The following LHX9 variants were observed in gnomAD, a reference collection of about 807,000 sequenced individuals.
LHX9 encodes LIM homeobox 9.
A neutral mutation model predicts 36.5 loss-of-function variants in LHX9; 9 were observed. That is an observed-to-expected ratio of 0.25 (90% CI 0.15 to 0.43). The LOEUF is 0.43. Among genes scored for constraint, LHX9 ranks in the 20% least tolerant of loss-of-function variants. The pLI is 1.00. For missense variants in LHX9, 464 were observed against 526.4 expected, an observed-to-expected ratio of 0.88 and a Z score of 1.16; for synonymous variants, 211 against 212.1, an observed-to-expected ratio of 0.99 and a Z score of 0.04.
intron 3 of LHX9, among the ~76,000 whole-genome samples, chr1:197,924,791 G>A (rs1193581695): frequency 4.6e-5 from 7 of 152,276 alleles, no homozygotes; most frequent in African/African-American, 1.7e-4. Context: ...GGTGCCCATC[G>A]CATAAGTGAC....
upstream of LHX9, among the ~76,000 whole-genome samples, chr1:197,914,120 C>A (rs1238619191): frequency 6.6e-6 from 1 of 152,178 alleles, no homozygotes; most frequent in African/African-American, 2.4e-5. Context: ...TTCCTAAAAG[C>A]GGCAACAGTA....
At position 197,921,384 on chromosome 1, in the gene LHX9, T is replaced by C. The variant is rs1404232717; in HGVS notation, c.458T>C (p.Val153Ala). The change falls in exon 3 of 5, where the codon GTC (valine) becomes GCC (alanine). Residue 153 changes from valine to alanine, a missense_variant. This residue lies in a region of LHX9 where 93 missense variants were observed against 150.3 expected (regional missense o/e 0.62). Transcript: ENST00000367387. This position sits in a 1 kb window ranked among gnomAD's most constrained non-coding sequence, Gnocchi z 4.6. ...ATGGTCATGCGCGCCCGAGACTCTG[T>C]CTACCACCTGAGCTGCTTCACCTGC... Reference protein sequence around the residue: ...SEMVMRARDSVYHLSCFTCST... With the variant: ...SEMVMRARDSAYHLSCFTCST... 6.2e-7 allele frequency: 1 copy of C among 1,614,002 alleles called. No homozygotes were observed. Among genetic ancestry groups the C allele is most frequent in the Non-Finnish European group, 8.5e-7 (1 of 1,180,036 alleles).
rs1413076564 is a variant in LHX9, at chr1:197,918,495, C to G, written c.174+498C>G. On this transcript the variant is annotated intron_variant, in intron 1 of 4. Coordinates refer to ENST00000367387, the MANE Select transcript of LHX9 (RefSeq NM_020204.3). Reference sequence around the variant, plus strand: ...ACTGGGTCATTTCCAGTTCTCTAGACGCTCGGGGCTTGGGACCCCTAACCG... The same window carrying G: ...ACTGGGTCATTTCCAGTTCTCTAGAGGCTCGGGGCTTGGGACCCCTAACCG... 3 of 661,240 alleles carry G rather than the reference C, an allele frequency of 4.5e-6. No individual in the cohort carries two copies. In the African/African-American group the frequency reaches 5.4e-5, roughly 12 times the overall value. 41.0% of individuals were successfully genotyped at this position (661,240 alleles called of 1,614,324 possible).
At chr1:197,928,191 C>T (rs914145212) in intron 4 of LHX9, among the ~76,000 whole-genome samples, 1 of 152,192 alleles carries the variant, frequency 6.6e-6, no homozygotes, top group Non-Finnish European at 1.5e-5. Flanking sequence ...TTTTGGCAGC[C>T]TCACTCACCT....
Position 197,927,584 on chromosome 1 carries a change from G to A in LHX9, c.734-7G>A. ...GAGCAGTTGTTTGTTCACTGTTACTGCAACAGGTTGTAATGAGAATGAGGC... is the reference window on the plus strand; with the variant it reads ...GAGCAGTTGTTTGTTCACTGTTACTACAACAGGTTGTAATGAGAATGAGGC... On this transcript the variant is annotated splice_polypyrimidine_tract_variant and splice_region_variant and intron_variant, in intron 3 of 4. Transcript: ENST00000367387. 1.9e-6 allele frequency: 3 copies of A among 1,613,678 alleles called. No individual in the cohort carries two copies. The highest frequency in any genetic ancestry group is 2.5e-6 in the Non-Finnish European group (3 of 1,179,616).
At chr1:197,914,342 C>T (rs1659691217), upstream of LHX9, among the ~76,000 whole-genome samples, 1 of 152,116 alleles carries the variant, frequency 6.6e-6, no homozygotes, top group African/African-American at 2.4e-5. Context: ...AAAATGAACA[C>T]TGTAATTTTT....
rs1660406285 is a variant in LHX9, at chr1:197,934,605, T to C, written c.*5346T>C. On this transcript the variant is annotated 3_prime_UTR_variant, in exon 5 of 5. Transcript: ENST00000367387. Reference sequence around the variant, plus strand: ...TAAGCACAGTAGGACTTAGTCCAAATTGACGAAATATCATTGAATTTTCTT... The same window carrying C: ...TAAGCACAGTAGGACTTAGTCCAAACTGACGAAATATCATTGAATTTTCTT... 1 of 152,156 alleles carries C rather than the reference T, an allele frequency of 6.6e-6. No individual in the cohort carries two copies. Among genetic ancestry groups the C allele is most frequent in the South Asian group, 2.1e-4 (1 of 4,836 alleles). The allele number at this position is 152,156 out of a possible 1,614,324, so 9.4% of individuals were successfully genotyped here.
Position 197,919,962 on chromosome 1 carries a change from T to G in LHX9, c.175-10T>G. 6.2e-7 allele frequency: 1 copy of G among 1,613,672 alleles called. No homozygotes were observed. Among genetic ancestry groups the G allele is most frequent in the Non-Finnish European group, 8.5e-7 (1 of 1,179,898 alleles). ...GCCCTCCTCAGCCTTGCGGTGTGCT[T>G]TCTTTGCAGGGCATGCCCCCGCTCA... On this transcript the variant is annotated splice_polypyrimidine_tract_variant and intron_variant, in intron 1 of 4. Coordinates refer to ENST00000367387, the MANE Select transcript of LHX9 (RefSeq NM_020204.3).
upstream of LHX9, chr1:197,916,894 A>G (rs1014646256): frequency 1.6e-6 from 1 of 640,966 alleles, no homozygotes; most frequent in African/African-American, 1.8e-5. Flanking sequence ...TTCGGGTGAC[A>G]GTCCTGCAGG....
At position 197,935,009 on chromosome 1, in the gene LHX9, A is replaced by C. The variant is rs1660416293; in HGVS notation, c.*5750A>C. 1 of 152,046 alleles carries C rather than the reference A, an allele frequency of 6.6e-6. No individual in the cohort carries two copies. The highest frequency in any genetic ancestry group is 2.4e-5 in the African/African-American group (1 of 41,404). The allele number at this position is 152,046 out of a possible 1,614,324, so 9.4% of individuals were successfully genotyped here. On this transcript the variant is annotated 3_prime_UTR_variant, in exon 5 of 5. Coordinates refer to ENST00000367387, the MANE Select transcript of LHX9 (RefSeq NM_020204.3). Reference sequence around the variant, plus strand: ...TGAGGTTGGGAGAGGGAAAGTTTAGAACTGTGCATGATACTCAAGGAAAAG... The same window carrying C: ...TGAGGTTGGGAGAGGGAAAGTTTAGCACTGTGCATGATACTCAAGGAAAAG...
In LHX9 at chr1:197,921,466, G is replaced by A. The variant is rs749616492; in HGVS notation, c.540G>A (p.Leu180=). The change falls in exon 3 of 5, where the codon CTG becomes CTA. Residue 180 remains leucine, a synonymous_variant. Transcript: ENST00000367387. The surrounding 1 kb of genome is among the most constrained non-coding windows in gnomAD (Gnocchi z 4.6). ...ACCATTTCGGCATGAAGGACAGCCTGGTGTACTGCCGCGCCCACTTCGAGA... is the reference window on the plus strand; with the variant it reads ...ACCATTTCGGCATGAAGGACAGCCTAGTGTACTGCCGCGCCCACTTCGAGA... ...TGDHFGMKDS[L]VYCRAHFETL... 2 of 1,614,192 alleles carry A rather than the reference G, an allele frequency of 1.2e-6. No homozygotes were observed. Among genetic ancestry groups the A allele is most frequent in the Admixed American group, 1.7e-5 (1 of 60,022 alleles).
chr1:197,914,097 C>T (rs142037647), upstream of LHX9, among the ~76,000 whole-genome samples: 1 of 152,208 alleles, frequency 6.6e-6, no homozygotes, highest in Non-Finnish European at 1.5e-5. Flanking sequence ...CCACTATAGT[C>T]CGGCCGTCCA....
rs1660270594 is a variant in LHX9, at chr1:197,929,664, C to T, written c.*405C>T. On this transcript the variant is annotated 3_prime_UTR_variant, in exon 5 of 5. Transcript: ENST00000367387. ...TTAAATGATTAGGTTAATAAAGAAC[C>T]AGATAATTAATTAGTTACTTTTTAA... 2 of 910,664 alleles carry T rather than the reference C, an allele frequency of 2.2e-6. No individual in the cohort carries two copies. The highest frequency in any genetic ancestry group is 3.6e-5 in the African/African-American group (2 of 55,676). The allele number at this position is 910,664 out of a possible 1,614,324, so 56.4% of individuals were successfully genotyped here.
At chr1:197,916,813 T>C, upstream of LHX9, 1 of 702,610 alleles carries the variant, frequency 1.4e-6, no homozygotes, top group South Asian at 1.5e-5. Context: ...GAAGATGGGA[T>C]GGGGAGGAGA....
In LHX9 at chr1:197,920,019, CG is replaced by C. The variant is rs1265112174; in HGVS notation, c.227del (p.Gly76AlafsTer18). The C allele has an allele frequency of 6.2e-7, 1 of 1,614,220 alleles. No individual in the cohort carries two copies. ...AGAAGCCCGCCCTGTGCGCCGGCTG[CG>C]GGGGCAAGATCTCGGACAGGTACTA... ...PEKPALCAGC[G>X]GKISDRYYLL... On this transcript the variant is annotated frameshift_variant, in exon 2 of 5. Coordinates refer to ENST00000367387, the MANE Select transcript of LHX9 (RefSeq NM_020204.3). LOFTEE classifies it high-confidence loss of function.
At chr1:197,920,929 T>G (rs974435200) in intron 2 of LHX9, among the ~76,000 whole-genome samples, 1 of 152,214 alleles carries the variant, frequency 6.6e-6, no homozygotes, top group African/African-American at 2.4e-5. Context: ...TTATATCTTC[T>G]TTCATTCATA....
chr1:197,924,419 T>C (rs184640068), intron 3 of LHX9, among the ~76,000 whole-genome samples: 16 of 152,340 alleles, frequency 1.1e-4, no homozygotes, highest in South Asian at 6.2e-4. Context: ...ATAGGGCAAA[T>C]GCCTTTTAAT....
chr1:197,925,834 C>T (rs1327578624), intron 3 of LHX9, among the ~76,000 whole-genome samples: 1 of 152,170 alleles, frequency 6.6e-6, no homozygotes, highest in Non-Finnish European at 1.5e-5. Flanking sequence ...TTTAATTTCG[C>T]ATTAATACTC....
rs1197311650 is a variant in LHX9 at position 197,930,382 on chromosome 1, G to A, written c.*1123G>A. 1 of 152,006 alleles carries A rather than the reference G, an allele frequency of 6.6e-6. No homozygotes were observed. The highest frequency in any genetic ancestry group is 1.5e-5 in the Non-Finnish European group (1 of 67,914). 9.4% of individuals were successfully genotyped at this position (152,006 alleles called of 1,614,324 possible). A position where few individuals can be genotyped will look rare whatever the true frequency, so the allele number is the denominator to read the frequency against. ...TCAGAAGCCTTGTGGATGCTGATCT[G>A]AATATATTTCCTAGTTTACAGTAGC... is the stretch of plus-strand genomic sequence containing the variant. On this transcript the variant is annotated 3_prime_UTR_variant, in exon 5 of 5. Transcript: ENST00000367387.
Sources: allele counts gnomAD v4.1 joint callset (sites outside exome capture counted in the v4.1 genomes callset), GRCh38; gene constraint gnomAD v4.1.1; regional missense constraint gnomAD v4.1.1; non-coding constraint Gnocchi (gnomAD v3.1); transcripts MANE v1.5; gene names NCBI Gene and HGNC (gene_info 2026-07-23, HGNC 2026-07-21).